Variants in ARID5B observed in about 807,000 individuals in gnomAD.
ARID5B encodes AT-rich interaction domain 5B.
In ARID5B, 13 loss-of-function variants were observed where a neutral mutation model predicts 97.2. The ratio of observed to expected loss-of-function variants is 0.13; its 90% CI spans 0.09 to 0.21. The LOEUF (loss-of-function observed/expected upper bound fraction) is 0.21. ARID5B is among the 10% of genes least tolerant of loss of function. The pLI, the probability that ARID5B is intolerant of heterozygous loss-of-function variation, is 1.00. For missense variants in ARID5B, 1,210 were observed against 1,465.3 expected (o/e 0.83, Z 2.84); for synonymous variants, 556 against 570.3 (o/e 0.97, Z 0.36).
At chr10:62,009,400 T>A (rs1388016870) in intron 4 of ARID5B, among the ~76,000 whole-genome samples, 1 of 152,220 alleles carries the variant, frequency 6.6e-6, no homozygotes, top group Non-Finnish European at 1.5e-5. Flanking sequence ...AGGATGCTAG[T>A]GTCTGCTCTC....
At chr10:61,934,948 G>T (rs1207479236) in intron 2 of ARID5B, among the ~76,000 whole-genome samples, 1 of 151,630 alleles carries the variant, frequency 6.6e-6, no homozygotes, top group Non-Finnish European at 1.5e-5. Flanking sequence ...CGGAGGCGGA[G>T]GTTGCAGTGA....
intron 4 of ARID5B, among the ~76,000 whole-genome samples, chr10:62,013,333 T>A (rs997673415): frequency 6.6e-6 from 1 of 152,182 alleles, no homozygotes; most frequent in Admixed American, 6.5e-5. Context: ...AGACAAAAAT[T>A]GTACATGTCT....
At position 62,092,063 on chromosome 10, in the gene ARID5B, A is replaced by G; in HGVS notation, c.2600A>G (p.Asn867Ser). The G allele has an allele frequency of 6.2e-7, 1 of 1,614,062 alleles. No individual in the cohort carries two copies. The highest frequency in any genetic ancestry group is 8.5e-7 in the Non-Finnish European group (1 of 1,180,008). The change falls in exon 10 of 10, where the codon AAC becomes AGC. Residue 867 changes from asparagine (N) to serine (S), a missense_variant. Transcript: ENST00000279873. ...PSRDMYRESE[N>S]SSFPSHRHQE... is the part of the protein sequence containing the mutation. ...AGGGACATGTACAGGGAATCGGAAAACAGTTCTTTTCCTTCCCACAGACAC... is the reference window on the plus strand; with the variant it reads ...AGGGACATGTACAGGGAATCGGAAAGCAGTTCTTTTCCTTCCCACAGACAC...
rs540450409 is a variant in ARID5B, at chr10:62,084,884, C to T, written c.1200-818C>T. Among the ~76,000 whole-genome samples, 9 of 152,232 alleles carry T rather than the reference C, an allele frequency of 5.9e-5. No homozygotes were observed. The South Asian group carries it at 8.3e-4, about 14-fold the overall frequency. ...CTGTCTGCCTTCCTTCTCGCTGGGG[C>T]GGTCTTTTACTTAGCACACTAAAAC... On this transcript the variant is annotated intron_variant, in intron 8 of 9. Coordinates refer to ENST00000279873, the MANE Select transcript of ARID5B (RefSeq NM_032199.3).
At chr10:62,074,635 G>T (rs955815712) in intron 8 of ARID5B, among the ~76,000 whole-genome samples, 1 of 152,214 alleles carries the variant, frequency 6.6e-6, no homozygotes, top group Non-Finnish European at 1.5e-5. Flanking sequence ...GTGAGTTACA[G>T]TTCTGTGCAC....
At chr10:61,995,050 T>G (rs1327868514) in intron 3 of ARID5B, among the ~76,000 whole-genome samples, 1 of 152,192 alleles carries the variant, frequency 6.6e-6, no homozygotes, top group Non-Finnish European at 1.5e-5. Flanking sequence ...TTACAGATCA[T>G]TTTCTGTTGA....
At chr10:61,947,301 C>T (rs1335407047) in intron 3 of ARID5B, among the ~76,000 whole-genome samples, 3 of 134,120 alleles carry the variant, frequency 2.2e-5, no homozygotes, top group African/African-American at 8.2e-5. Flanking sequence ...CAGGGTCTCA[C>T]TGCATTGCCC....
intron 1 of ARID5B, among the ~76,000 whole-genome samples, 182 bp from the exon 2 acceptor site, chr10:61,901,977 T>A (rs1414136833): frequency 8.5e-5 from 11 of 129,140 alleles, no homozygotes; most frequent in Non-Finnish European, 2.0e-4. Context: ...CCCTGAGTTT[T>A]TTTTTTTTTT....
At chr10:61,952,053 ATCGCTGGT>A (rs1286614507) in intron 3 of ARID5B, among the ~76,000 whole-genome samples, 1 of 152,006 alleles carries the variant, frequency 6.6e-6, no homozygotes, top group East Asian at 1.9e-4. Context: ...GTAGGGGGGG[ATCGCTGGT>A]TCAAAGTGCA....
intron 4 of ARID5B, among the ~76,000 whole-genome samples, chr10:62,047,883 G>A (rs191370883): frequency 4.6e-5 from 7 of 152,156 alleles, no homozygotes; most frequent in Non-Finnish European, 7.3e-5. Flanking sequence ...AATCCAAAAG[G>A]TCTCTGATTC....
intron 7 of ARID5B, among the ~76,000 whole-genome samples, chr10:62,067,520 A>G (rs189498611): frequency 1.5e-4 from 23 of 152,366 alleles, no homozygotes; most frequent in Non-Finnish European, 3.1e-4. Flanking sequence ...CCATTGGGAA[A>G]GACTCAAAGC....
intron 4 of ARID5B, among the ~76,000 whole-genome samples, chr10:62,029,837 G>C (rs1839472146): frequency 6.6e-6 from 1 of 152,198 alleles, no homozygotes; most frequent in African/African-American, 2.4e-5. Context: ...CAAAAACAAA[G>C]TGTGAGGAAA....
intron 3 of ARID5B, among the ~76,000 whole-genome samples, chr10:61,987,625 A>G (rs1455490769): frequency 6.6e-6 from 1 of 152,238 alleles, no homozygotes; most frequent in Non-Finnish European, 1.5e-5. Context: ...GCACCACTCT[A>G]TAATCACACA....
intron 7 of ARID5B, among the ~76,000 whole-genome samples, chr10:62,067,476 C>G (rs989388078): frequency 6.6e-6 from 1 of 152,240 alleles, no homozygotes; most frequent in Non-Finnish European, 1.5e-5. Flanking sequence ...AACCCACTAC[C>G]TTAAATTGAT....
At position 62,094,231 on chromosome 10, in the gene ARID5B, G is replaced by A. The variant is rs910229661; in HGVS notation, c.*1201G>A. ...TGATTCCTTTAAATGGTCTGGGAAA[G>A]GGGGTTGGGAAGAGGATGGAGCTCA... is the stretch of plus-strand genomic sequence containing the variant. On this transcript the variant is annotated 3_prime_UTR_variant, in exon 10 of 10. Transcript: ENST00000279873. The A allele has an allele frequency of 4.7e-5, 11 of 231,938 alleles. No individual in the cohort carries two copies. Among genetic ancestry groups the A allele is most frequent in the African/African-American group, 2.2e-4 (10 of 45,266 alleles). 14.4% of individuals were successfully genotyped at this position (231,938 alleles called of 1,614,324 possible).
intron 8 of ARID5B, among the ~76,000 whole-genome samples, chr10:62,075,582 G>T (rs74406295): frequency 7.2e-4 from 110 of 152,328 alleles, no homozygotes; most frequent in African/African-American, 2.5e-3. Flanking sequence ...CCACATGTCT[G>T]CTCCCTTTGC....
At chr10:62,070,392 T>C (rs1017256615) in intron 8 of ARID5B, among the ~76,000 whole-genome samples, 6 of 152,028 alleles carry the variant, frequency 3.9e-5, no homozygotes, top group African/African-American at 1.5e-4. Flanking sequence ...TCCACAGGAG[T>C]GGATTTCCCG....
intron 3 of ARID5B, among the ~76,000 whole-genome samples, chr10:61,986,232 T>C (rs946699273): frequency 1.3e-5 from 2 of 152,140 alleles, no homozygotes. Flanking sequence ...ATTCACCTCA[T>C]TGAGCTGCCT....
At chr10:62,083,791 C>T (rs1184735845) in intron 8 of ARID5B, among the ~76,000 whole-genome samples, 2 of 152,242 alleles carry the variant, frequency 1.3e-5, no homozygotes, top group East Asian at 1.9e-4. Flanking sequence ...GACAAAAATC[C>T]ACAACCTGCC....
Sources: allele counts gnomAD v4.1 joint callset (sites outside exome capture counted in the v4.1 genomes callset), GRCh38; gene constraint gnomAD v4.1.1; transcripts MANE v1.5; gene names NCBI Gene and HGNC (gene_info 2026-07-23, HGNC 2026-07-21).